Variants in IPO11 observed in about 807,000 individuals in gnomAD.
IPO11 encodes the protein importin 11.
Under a neutral mutation model 143.2 loss-of-function variants are expected in IPO11, and 66 were observed. That is an observed-to-expected ratio of 0.46 (90% CI 0.38 to 0.57). IPO11 has a LOEUF of 0.57. Ranked by LOEUF, IPO11 falls within the 20% of genes least tolerant of loss-of-function variation. The pLI, the probability that IPO11 is intolerant of heterozygous loss-of-function variation, is 0.00. For synonymous variants in IPO11, 385 were observed against 377.8 expected (o/e 1.02, Z -0.22); for missense variants, 1,026 against 1,141.0 (o/e 0.90, Z 1.45).
chr5:62,580,798 T>G (rs1354847487), intron 27 of IPO11: 4 of 1,551,294 alleles, frequency 2.6e-6, no homozygotes, highest in Non-Finnish European at 3.5e-6. Flanking sequence ...GAACATTACT[T>G]TCTGGGAACG....
chr5:62,615,359 T>C (rs1394472306), intron 29 of IPO11, among the ~76,000 whole-genome samples: 1 of 152,208 alleles, frequency 6.6e-6, no homozygotes, highest in African/African-American at 2.4e-5. Flanking sequence ...TTTGTTGGTT[T>C]AGTTTTGAGT....
In IPO11 at chr5:62,412,859, G is replaced by T. The variant is rs1217639423; in HGVS notation, c.-77G>T. The T allele has an allele frequency of 6.5e-6, 1 of 152,688 alleles. No homozygotes were observed. The highest frequency in any genetic ancestry group is 1.5e-5 in the Non-Finnish European group (1 of 68,072). 9.5% of individuals were successfully genotyped at this position (152,688 alleles called of 1,614,324 possible). Reference sequence around the variant, plus strand: ...TGGGGTCTGGCAGCGTGGGGAGAGGGACCAACCGACGCCACTTCGTGTTGG... The same window carrying T: ...TGGGGTCTGGCAGCGTGGGGAGAGGTACCAACCGACGCCACTTCGTGTTGG... On this transcript the variant is annotated 5_prime_UTR_variant, in exon 1 of 30. Transcript: ENST00000325324.
intron 5 of IPO11, among the ~76,000 whole-genome samples, chr5:62,458,146 C>CAAAA (rs58357821): frequency 3.2e-5 from 2 of 63,272 alleles, no homozygotes; most frequent in East Asian, 4.7e-4. Flanking sequence ...GACTCTGTCT[C>CAAAA]AAAAAAAAAA....
intron 16 of IPO11, among the ~76,000 whole-genome samples, chr5:62,499,727 G>C (rs1741285287): frequency 6.6e-6 from 1 of 151,854 alleles, no homozygotes; most frequent in African/African-American, 2.4e-5. Flanking sequence ...ATAGCACTTA[G>C]CTTAAAATAC....
At chr5:62,545,383 A>G (rs1361297618) in intron 24 of IPO11, among the ~76,000 whole-genome samples, 1 of 152,206 alleles carries the variant, frequency 6.6e-6, no homozygotes, top group Non-Finnish European at 1.5e-5. Context: ...TGCTGGGAAA[A>G]CTGGCTAGCC....
At chr5:62,514,650 T>C (rs536196463) in intron 19 of IPO11, among the ~76,000 whole-genome samples, 1 of 145,578 alleles carries the variant, frequency 6.9e-6, no homozygotes, top group African/African-American at 2.6e-5. Flanking sequence ...CGGGAGGACA[T>C]CCCCAAGGAT....
intron 19 of IPO11, 54 bp from the exon 20 acceptor site, chr5:62,515,334 A>G: frequency 8.5e-7 from 1 of 1,175,368 alleles, no homozygotes; most frequent in Non-Finnish European, 1.2e-6. Context: ...TTCAAAGTAA[A>G]TTGCCTTCTT....
At position 62,578,725 on chromosome 5, in the gene IPO11, T is replaced by C. The variant is rs950253376; in HGVS notation, c.2583-12852T>C. 11 of 469,034 alleles carry C rather than the reference T, an allele frequency of 2.3e-5. No individual in the cohort carries two copies. The Admixed American group carries it at 2.6e-4, about 11-fold the overall frequency. The allele number at this position is 469,034 out of a possible 1,614,324, so 29.1% of individuals were successfully genotyped here. A position where few individuals can be genotyped will look rare whatever the true frequency, so the allele number is the denominator to read the frequency against. The stretch of plus-strand genomic sequence containing the variant: ...TTAGCTTCCTGTATCCATGGCAACC[T>C]CTGTTTTACACATTGACTGTAAAGG... On this transcript the variant is annotated intron_variant, in intron 27 of 29. Coordinates refer to ENST00000325324, the MANE Select transcript of IPO11 (RefSeq NM_016338.5).
Position 62,560,894 on chromosome 5 carries a change from G to A in IPO11, c.2461-242G>A, listed in dbSNP as rs540360335. 1.1e-3 allele frequency: 317 copies of A among 293,452 alleles called. 9 individuals are homozygous for A. The South Asian group carries it at 0.03, about 28-fold the overall frequency. 18.2% of individuals were successfully genotyped at this position (293,452 alleles called of 1,614,324 possible). On this transcript the variant is annotated intron_variant, in intron 26 of 29. Transcript: ENST00000325324. ...AAATGATACTACTAAAATCACTCAT[G>A]GGCTACATACATGTTTTGAATAAGT...
At chr5:62,480,167 G>A (rs1400364364) in intron 9 of IPO11, among the ~76,000 whole-genome samples, 1 of 152,192 alleles carries the variant, frequency 6.6e-6, no homozygotes, top group Non-Finnish European at 1.5e-5. Context: ...TGGCTAGCTA[G>A]TTTTCCCAGC....
chr5:62,430,050 C>G (rs1444454661), intron 1 of IPO11, among the ~76,000 whole-genome samples: 1 of 152,180 alleles, frequency 6.6e-6, no homozygotes, highest in African/African-American at 2.4e-5. Flanking sequence ...AGCTGCTGCA[C>G]CTGGCTGAAA....
At chr5:62,599,769 A>G (rs923656771) in intron 28 of IPO11, among the ~76,000 whole-genome samples, 2 of 152,214 alleles carry the variant, frequency 1.3e-5, no homozygotes, top group East Asian at 1.9e-4. Flanking sequence ...TTTTATTAGT[A>G]TAACTATTAC....
intron 29 of IPO11, among the ~76,000 whole-genome samples, chr5:62,602,280 T>C (rs1745534965): frequency 6.6e-6 from 1 of 152,008 alleles, no homozygotes; most frequent in Non-Finnish European, 1.5e-5. Context: ...TAACTTGTTG[T>C]AAAAACCACT....
At chr5:62,547,207 T>A (rs114602187) in intron 24 of IPO11, among the ~76,000 whole-genome samples, 1,805 of 152,286 alleles carry the variant, frequency 0.012, 25 homozygotes, top group Non-Finnish European at 0.014. Context: ...AGTATTATTG[T>A]CATCAGTAAT....
chr5:62,492,120 A>G (rs1746636526), intron 15 of IPO11, among the ~76,000 whole-genome samples: 1 of 152,170 alleles, frequency 6.6e-6, no homozygotes, highest in South Asian at 2.1e-4. Flanking sequence ...TCTGGGAAAA[A>G]TCAAGCAATG....
intron 29 of IPO11, among the ~76,000 whole-genome samples, chr5:62,614,221 T>A (rs1012041992): frequency 6.6e-6 from 1 of 152,238 alleles, no homozygotes; most frequent in Non-Finnish European, 1.5e-5. Flanking sequence ...CAAGAGTTGA[T>A]TTCATCCCCA....
intron 27 of IPO11, among the ~76,000 whole-genome samples, chr5:62,571,878 G>A (rs1744142263): frequency 6.6e-6 from 1 of 151,962 alleles, no homozygotes; most frequent in Non-Finnish European, 1.5e-5. Flanking sequence ...TAGAGATAGG[G>A]TTTCACCATG....
At position 62,569,904 on chromosome 5, in the gene IPO11, T is replaced by A. The variant is rs578120779; in HGVS notation, c.2582+8647T>A. Among the ~76,000 whole-genome samples the A allele has an allele frequency of 3.9e-5, 6 of 152,360 alleles. No individual in the cohort carries two copies. The South Asian group carries it at 1.2e-3, about 32-fold the overall frequency. ...TATAATCTAATGCAATTTGTAGTAA[T>A]TATTGGTTCTGATTATTTCAGTTCA... On this transcript the variant is annotated intron_variant, in intron 27 of 29. Transcript: ENST00000325324.
chr5:62,469,324 A>T (rs1343530284), intron 6 of IPO11, among the ~76,000 whole-genome samples: 1 of 152,228 alleles, frequency 6.6e-6, no homozygotes, highest in East Asian at 1.9e-4. Context: ...ATGATTTCAA[A>T]CTGAAGGTCT....
Sources: allele counts gnomAD v4.1 joint callset (sites outside exome capture counted in the v4.1 genomes callset), GRCh38; gene constraint gnomAD v4.1.1; transcripts MANE v1.5; gene names NCBI Gene and HGNC (gene_info 2026-07-23, HGNC 2026-07-21).